Variants in CARMIL1 observed in about 807,000 individuals in gnomAD.
CARMIL1 encodes capping protein regulator and myosin 1 linker 1.
A neutral mutation model predicts 177.1 loss-of-function variants in CARMIL1; 90 were observed. The observed-to-expected ratio is 0.51, with a 90% CI of 0.43 to 0.61. The LOEUF (loss-of-function observed/expected upper bound fraction) is 0.61. CARMIL1 is among the 20% of genes least tolerant of loss of function. The pLI, the probability that CARMIL1 is intolerant of heterozygous loss-of-function variation, is 0.00. For missense variants in CARMIL1, 1,380 were observed against 1,667.0 expected, an observed-to-expected ratio of 0.83 and a Z score of 3.00; for synonymous variants, 577 against 606.2, an observed-to-expected ratio of 0.95 and a Z score of 0.71.
intron 23 of CARMIL1, among the ~76,000 whole-genome samples, chr6:25,524,295 C>T (rs1329118459): frequency 1.3e-5 from 2 of 152,208 alleles, no homozygotes; most frequent in African/African-American, 4.8e-5. Context: ...TAGAATACTT[C>T]CCCTTCCTAA....
At chr6:25,390,273 TAG>T (rs1381391108) in intron 2 of CARMIL1, among the ~76,000 whole-genome samples, 1 of 146,320 alleles carries the variant, frequency 6.8e-6, no homozygotes, top group African/African-American at 2.5e-5. Flanking sequence ...TAGACATATA[TAG>T]GTACACATAT....
At chr6:25,338,866 A>G (rs1191261468) in intron 2 of CARMIL1, among the ~76,000 whole-genome samples, 2 of 152,256 alleles carry the variant, frequency 1.3e-5, no homozygotes, top group South Asian at 2.1e-4. Flanking sequence ...GAAAAGAACC[A>G]GCACATAAGT....
intron 2 of CARMIL1, among the ~76,000 whole-genome samples, chr6:25,398,704 AGAATCAT>A (rs1457563201): frequency 6.6e-6 from 1 of 152,208 alleles, no homozygotes; most frequent in Non-Finnish European, 1.5e-5. Context: ...AAGCCCTTCC[AGAATCAT>A]GCAAATTATT....
At position 25,604,234 on chromosome 6, in the gene CARMIL1, T is replaced by C. The variant is rs150693864; in HGVS notation, c.3553-578T>C. On this transcript the variant is annotated intron_variant, in intron 33 of 36. Coordinates refer to ENST00000329474, the MANE Select transcript of CARMIL1 (RefSeq NM_017640.6). ...CTGGGACTTCAGATGCATGCCATCA[T>C]GCCTGACTAATTTTTCTATTTTTTG... Among the ~76,000 whole-genome samples the C allele has an allele frequency of 7.8e-3, 1,191 of 152,276 alleles. 12 individuals are homozygous for C. The highest frequency in any genetic ancestry group is 0.025 in the African/African-American group (1,052 of 41,556).
In CARMIL1 at chr6:25,317,363, C is replaced by A. The variant is rs770901195; in HGVS notation, c.138+32454C>A. On this transcript the variant is annotated intron_variant, in intron 2 of 36. Transcript: ENST00000329474. ...TGTTGCCCAGTCTTGAACTCCTGGG[C>A]TCAAGCAATCCTTCTGCCTTGACCT... Among the ~76,000 whole-genome samples the A allele has an allele frequency of 4.5e-4, 69 of 152,172 alleles. No individual in the cohort carries two copies. In the Middle Eastern group the frequency reaches 0.017, roughly 38 times the overall value.
intron 2 of CARMIL1, among the ~76,000 whole-genome samples, chr6:25,318,015 A>T (rs1784409169): frequency 6.6e-6 from 1 of 152,032 alleles, no homozygotes; most frequent in African/African-American, 2.4e-5. Flanking sequence ...AAGCGTATTC[A>T]ATTTGTTTCT....
chr6:25,403,360 A>G (rs1794055896), intron 2 of CARMIL1, among the ~76,000 whole-genome samples: 1 of 152,040 alleles, frequency 6.6e-6, no homozygotes, highest in African/African-American at 2.4e-5. Context: ...CTCACAAGCT[A>G]TTGCCGTTGG....
intron 12 of CARMIL1, among the ~76,000 whole-genome samples, chr6:25,487,310 C>G (rs1360182323): frequency 6.6e-6 from 1 of 152,162 alleles, no homozygotes; most frequent in Non-Finnish European, 1.5e-5. Context: ...CCAGAACTGG[C>G]TCTTACTGGC....
intron 8 of CARMIL1, chr6:25,451,892 C>A: frequency 1.8e-6 from 1 of 568,596 alleles, no homozygotes; most frequent in Admixed American, 3.0e-5. Context: ...GGAGAGAAAT[C>A]TGGGATTCCA....
chr6:25,510,633 A>G (rs1487710480), intron 19 of CARMIL1, 27 bp downstream of exon 19: 2 of 1,512,226 alleles, frequency 1.3e-6, no homozygotes, highest in Non-Finnish European at 9.0e-7. Context: ...TTTTTATATG[A>G]CAATGATGAA....
intron 2 of CARMIL1, among the ~76,000 whole-genome samples, chr6:25,321,065 A>AC (rs1784636829): frequency 1.9e-5 from 1 of 51,600 alleles, no homozygotes; most frequent in South Asian, 8.0e-4. Context: ...CCCCACCCCC[A>AC]CCCCACACAT....
At chr6:25,360,280 G>A (rs1581682159) in intron 2 of CARMIL1, among the ~76,000 whole-genome samples, 1 of 152,196 alleles carries the variant, frequency 6.6e-6, no homozygotes, top group East Asian at 1.9e-4. Flanking sequence ...GTATGTATGA[G>A]TGGGGGAGGG....
intron 2 of CARMIL1, among the ~76,000 whole-genome samples, chr6:25,370,534 G>A (rs1355384142): frequency 6.6e-6 from 1 of 152,168 alleles, no homozygotes; most frequent in African/African-American, 2.4e-5. Flanking sequence ...TGATGTGCTT[G>A]CTCTTAAGAG....
intron 17 of CARMIL1, among the ~76,000 whole-genome samples, chr6:25,506,087 TC>T (rs1804880382): frequency 6.6e-6 from 1 of 152,200 alleles, no homozygotes; most frequent in South Asian, 2.1e-4. Context: ...ACAGTTTCAG[TC>T]CATTTGATAG....
chr6:25,375,058 G>T (rs1790841691), intron 2 of CARMIL1, among the ~76,000 whole-genome samples: 1 of 152,102 alleles, frequency 6.6e-6, no homozygotes, highest in South Asian at 2.1e-4. Context: ...TAGGTACTTA[G>T]TTTTCTTCAT....
At chr6:25,362,307 T>G (rs1484580060) in intron 2 of CARMIL1, among the ~76,000 whole-genome samples, 1 of 152,242 alleles carries the variant, frequency 6.6e-6, no homozygotes, top group Non-Finnish European at 1.5e-5. Flanking sequence ...TGCCTACAGT[T>G]GTCATCCTGG....
chr6:25,602,132 C>T (rs549738415), intron 33 of CARMIL1, among the ~76,000 whole-genome samples: 1 of 152,316 alleles, frequency 6.6e-6, no homozygotes, highest in East Asian at 1.9e-4. Context: ...CAACTATTTA[C>T]CAAAGTTCTC....
At chr6:25,436,353 T>C (rs1797231279) in intron 5 of CARMIL1, among the ~76,000 whole-genome samples, 1 of 152,148 alleles carries the variant, frequency 6.6e-6, no homozygotes, top group South Asian at 2.1e-4. Context: ...TTCCCTCCCA[T>C]TGCTCTCCCA....
chr6:25,487,240 G>A (rs189589743), intron 12 of CARMIL1, among the ~76,000 whole-genome samples: 106 of 152,230 alleles, frequency 7.0e-4, no homozygotes, highest in African/African-American at 2.5e-3. Flanking sequence ...TGCTCCAGTG[G>A]AAGGCTGCAC....
Sources: gnomAD v4.1 joint callset for allele counts (sites outside exome capture counted in the v4.1 genomes callset) on GRCh38, gnomAD v4.1.1 for gene constraint, MANE v1.5 for transcripts, NCBI Gene and HGNC (gene_info 2026-07-23, HGNC 2026-07-21) for gene names.